Variants in PLAGL1 observed in about 807,000 individuals in gnomAD.
PLAGL1 encodes the protein PLAG1 like zinc finger 1, also known as zinc finger protein PLAGL1.
A neutral mutation model predicts 4.6 loss-of-function variants in PLAGL1; 1 was observed. The observed-to-expected ratio is 0.22, with a 90% CI of 0.08 to 1.03. The LOEUF (loss-of-function observed/expected upper bound fraction) is 1.03. Ranked by LOEUF, PLAGL1 falls within the 50% of genes least tolerant of loss-of-function variation. The pLI is 0.58. For synonymous variants in PLAGL1, 240 were observed against 237.8 expected (o/e 1.01, Z -0.08); for missense variants, 464 against 570.4 (o/e 0.81, Z 1.90).
rs1466939553 is a variant in PLAGL1 at position 144,022,204 on chromosome 6, A to C, written c.-151+42264T>G. On this transcript the variant is annotated intron_variant, in intron 1 of 3. Transcript: ENST00000437412. The surrounding 1 kb of genome is among the most constrained non-coding windows in gnomAD (Gnocchi z 4.2). ...CACTTAAAACTAACCAATAAAAACA[A>C]TCAACCTAATTAAAAGATGGGCAAA... Among the ~76,000 whole-genome samples, 2 of 152,228 alleles carry C rather than the reference A, an allele frequency of 1.3e-5. No individual in the cohort carries two copies. Among genetic ancestry groups the C allele is most frequent in the Non-Finnish European group, 2.9e-5 (2 of 68,042 alleles).
At chr6:144,023,442 T>C (rs1023637387) in intron 1 of PLAGL1, among the ~76,000 whole-genome samples, 2 of 152,044 alleles carry the variant, frequency 1.3e-5, no homozygotes, top group African/African-American at 4.8e-5. Context: ...GTAATACTAA[T>C]GTACGGCATA....
intron 1 of PLAGL1, among the ~76,000 whole-genome samples, chr6:144,031,771 C>T (rs1468552646): frequency 6.6e-6 from 1 of 152,026 alleles, no homozygotes; most frequent in Admixed American, 6.6e-5. Context: ...TACAGTTTGA[C>T]GTTGGGTAAT....
chr6:144,021,512 A>T (rs1388377625), intron 1 of PLAGL1, among the ~76,000 whole-genome samples: 2 of 152,204 alleles, frequency 1.3e-5, no homozygotes, highest in Admixed American at 1.3e-4. Flanking sequence ...CCTGCTTTTT[A>T]ATGATGGAAT....
rs980874310 is a variant in PLAGL1, at chr6:144,050,644, C to T, written c.-151+13824G>A. Among the ~76,000 whole-genome samples, 1 of 152,224 alleles carries T rather than the reference C, an allele frequency of 6.6e-6. No homozygotes were observed. Among genetic ancestry groups the T allele is most frequent in the African/African-American group, 2.4e-5 (1 of 41,458 alleles). Reference sequence around the variant, plus strand: ...GTGGCTCATGTCTATAATCCCAGCACTTTGGGAGGCCAAGGCAGGAGGATC... The same window carrying T: ...GTGGCTCATGTCTATAATCCCAGCATTTTGGGAGGCCAAGGCAGGAGGATC... On this transcript the variant is annotated intron_variant, in intron 1 of 3. Coordinates refer to the PLAGL1 transcript ENST00000437412. The surrounding 1 kb of genome is among the most constrained non-coding windows in gnomAD (Gnocchi z 4.3).
At position 143,955,237 on chromosome 6, in the gene PLAGL1, G is replaced by A. The variant is rs1781868938; in HGVS notation, c.-325+5232C>T. On this transcript the variant is annotated intron_variant, in intron 6 of 7. Transcript: ENST00000674357. The surrounding 1 kb of genome is among the most constrained non-coding windows in gnomAD (Gnocchi z 4.9). ...AAGCTAGCGTAGAAGTTTACAACGT[G>A]TTCAAGAGGGAGGTGGTCTATTTCA... 6.6e-6 allele frequency among the ~76,000 whole-genome samples: 1 copy of A among 152,200 alleles called. No individual in the cohort carries two copies. Among genetic ancestry groups the A allele is most frequent in the African/African-American group, 2.4e-5 (1 of 41,442 alleles).
rs1562387454 is a variant in PLAGL1, at chr6:143,947,026, C to T, written c.152+959G>A. On this transcript the variant is annotated intron_variant, in intron 7 of 7. Transcript: ENST00000674357. This position sits in a 1 kb window ranked among gnomAD's most constrained non-coding sequence, Gnocchi z 4.3. ...AACGATATCTAATGTATTCATTTCC[C>T]TCATGGAAGTAGGTACCTAACAGGC... is the stretch of plus-strand genomic sequence containing the variant. Among the ~76,000 whole-genome samples, 1 of 152,194 alleles carries T rather than the reference C, an allele frequency of 6.6e-6. No homozygotes were observed. The highest frequency in any genetic ancestry group is 1.5e-5 in the Non-Finnish European group (1 of 68,040).
At chr6:144,041,135 T>C (rs1447652089) in intron 1 of PLAGL1, among the ~76,000 whole-genome samples, 5 of 152,098 alleles carry the variant, frequency 3.3e-5, no homozygotes, top group African/African-American at 4.8e-5. Flanking sequence ...GTAATAGGAA[T>C]AGTAAAAGCT....
rs1476470850 is a variant in PLAGL1 at position 144,027,888 on chromosome 6, A to G, written c.-151+36580T>C. Among the ~76,000 whole-genome samples the G allele has an allele frequency of 6.6e-6, 1 of 152,150 alleles. No individual in the cohort carries two copies. The highest frequency in any genetic ancestry group is 1.9e-4 in the East Asian group (1 of 5,190). On this transcript the variant is annotated intron_variant, in intron 1 of 3. Coordinates refer to the PLAGL1 transcript ENST00000437412. The surrounding 1 kb of genome is among the most constrained non-coding windows in gnomAD (Gnocchi z 5.8). ...GAAAGGATTTTGCTGATGCTCCCCA[A>G]TTTTCTCAGAGTGTCTTTCATTTTG...
rs2128602703 is a variant in PLAGL1 at position 143,979,496 on chromosome 6, T to C, written c.-544+5639A>G. ...TCTCCTTTGGCTTATAACTATGTTTTGATATCTTCGTGGTTGCTGTAGAGT... is the reference window on the plus strand; with the variant it reads ...TCTCCTTTGGCTTATAACTATGTTTCGATATCTTCGTGGTTGCTGTAGAGT... On this transcript the variant is annotated intron_variant, in intron 2 of 7. Transcript: ENST00000674357. The surrounding 1 kb of genome is among the most constrained non-coding windows in gnomAD (Gnocchi z 4.6). Among the ~76,000 whole-genome samples, 1 of 152,250 alleles carries C rather than the reference T, an allele frequency of 6.6e-6. No individual in the cohort carries two copies. The highest frequency in any genetic ancestry group is 1.5e-5 in the Non-Finnish European group (1 of 67,954).
chr6:143,984,036 C>A lies in PLAGL1; in HGVS notation c.-544+1099G>T, dbSNP rs971566549. Reference sequence around the variant, plus strand: ...TCCTGAATCTTCAAGGAATAAGGAACAATGATGTATTTTTACTTTCCAGAT... The same window carrying A: ...TCCTGAATCTTCAAGGAATAAGGAAAAATGATGTATTTTTACTTTCCAGAT... On this transcript the variant is annotated intron_variant, in intron 2 of 7. Transcript: ENST00000674357. The surrounding 1 kb of genome is among the most constrained non-coding windows in gnomAD (Gnocchi z 5.5). 6.6e-6 allele frequency among the ~76,000 whole-genome samples: 1 copy of A among 152,018 alleles called. No individual in the cohort carries two copies. Among genetic ancestry groups the A allele is most frequent in the Admixed American group, 6.6e-5 (1 of 15,242 alleles).
chr6:144,011,877 A>C (rs1166664217), upstream of PLAGL1, among the ~76,000 whole-genome samples: 1 of 152,186 alleles, frequency 6.6e-6, no homozygotes, highest in Non-Finnish European at 1.5e-5. The surrounding 1 kb of genome is among the most constrained non-coding windows in gnomAD (Gnocchi z 4.3). Context: ...AGTATCCCAG[A>C]AAGTGGGAAA....
intron 1 of PLAGL1, chr6:144,007,347 G>A (rs1794460027): frequency 6.6e-6 from 1 of 152,198 alleles, no homozygotes; most frequent in Admixed American, 6.5e-5. Context: ...AAAGCACCCG[G>A]GAGGGGCCTC....
In PLAGL1 at chr6:143,968,770, T is replaced by C. The variant is rs1784889392; in HGVS notation, c.-472+137A>G. ...CTCTCACAAAGTCTTTTCTGGGACA[T>C]AAGCCCCTCTACCATGGAGGAGGCG... On this transcript the variant is annotated intron_variant, in intron 3 of 7. Transcript: ENST00000674357. The surrounding 1 kb of genome is among the most constrained non-coding windows in gnomAD (Gnocchi z 6.3). 2.6e-5 allele frequency: 4 copies of C among 152,242 alleles called. No homozygotes were observed. The highest frequency in any genetic ancestry group is 2.6e-4 in the Admixed American group (4 of 15,278). The allele number at this position is 152,242 out of a possible 1,614,324, so 9.4% of individuals were successfully genotyped here.
rs1797035248 is a variant in PLAGL1 at position 144,034,042 on chromosome 6, A to G, written c.-151+30426T>C. 6.6e-6 allele frequency among the ~76,000 whole-genome samples: 1 copy of G among 152,252 alleles called. No individual in the cohort carries two copies. Among genetic ancestry groups the G allele is most frequent in the South Asian group, 2.1e-4 (1 of 4,836 alleles). On this transcript the variant is annotated intron_variant, in intron 1 of 3. Coordinates refer to the PLAGL1 transcript ENST00000437412. The surrounding 1 kb of genome is among the most constrained non-coding windows in gnomAD (Gnocchi z 4.7). Reference sequence around the variant, plus strand: ...CACATGGATGCTTTTACTACACTACAGACATGGTCTCCATGTAGTACATAT... The same window carrying G: ...CACATGGATGCTTTTACTACACTACGGACATGGTCTCCATGTAGTACATAT...
At position 143,985,364 on chromosome 6, in the gene PLAGL1, C is replaced by G. The variant is rs987164587; in HGVS notation, c.-583-190G>C. Among the ~76,000 whole-genome samples the G allele has an allele frequency of 2.6e-5, 4 of 152,148 alleles. No individual in the cohort carries two copies. The highest frequency in any genetic ancestry group is 9.7e-5 in the African/African-American group (4 of 41,424). ...GATATGTTTATATTAATACCATCTA[C>G]TAGTCTATCGCGATTTCCCATTTAA... On this transcript the variant is annotated intron_variant, in intron 1 of 7. Transcript: ENST00000674357. The surrounding 1 kb of genome is among the most constrained non-coding windows in gnomAD (Gnocchi z 4.4).
Position 143,942,072 on chromosome 6 carries a change from G to C in PLAGL1, c.744C>G (p.Ala248=). ...ALPPFPLGAS[A]QNGLASSLPA... The stretch of plus-strand genomic sequence containing the variant: ...GCAAGCTACTTGCAAGCCCGTTCTG[G>C]GCAGAAGCTCCTAAAGGGAAAGGAG... The change falls in exon 8 of 8, where the codon GCC becomes GCG. Residue 248 remains alanine (A), a synonymous_variant. Coordinates refer to ENST00000674357, the MANE Select transcript of PLAGL1 (RefSeq NM_001317162.2). This position sits in a 1 kb window ranked among gnomAD's most constrained non-coding sequence, Gnocchi z 7.6. 1 of 1,613,580 alleles carries C rather than the reference G, an allele frequency of 6.2e-7. No homozygotes were observed. The highest frequency in any genetic ancestry group is 8.5e-7 in the Non-Finnish European group (1 of 1,179,708).
At chr6:144,043,660 A>C (rs1013566089) in intron 1 of PLAGL1, among the ~76,000 whole-genome samples, 11 of 152,014 alleles carry the variant, frequency 7.2e-5, no homozygotes, top group African/African-American at 2.7e-4. Context: ...TGTCTCTGCT[A>C]GGCTTTGGTA....
rs1797068668 is a variant in PLAGL1 at position 144,034,482 on chromosome 6, A to G, written c.-151+29986T>C. ...AGTGTTTGTTTCTCTTCAAGAAAAT[A>G]AAACACTTATTTGTTTCCTTTGTAT... On this transcript the variant is annotated intron_variant, in intron 1 of 3. Transcript: ENST00000437412. The surrounding 1 kb of genome is among the most constrained non-coding windows in gnomAD (Gnocchi z 4.7). Among the ~76,000 whole-genome samples, 1 of 152,234 alleles carries G rather than the reference A, an allele frequency of 6.6e-6. No individual in the cohort carries two copies. Among genetic ancestry groups the G allele is most frequent in the Admixed American group, 6.5e-5 (1 of 15,288 alleles).
intron 1 of PLAGL1, among the ~76,000 whole-genome samples, chr6:144,060,581 A>G (rs1799314192): frequency 6.6e-6 from 1 of 152,236 alleles, no homozygotes; most frequent in Admixed American, 6.5e-5. Context: ...AAAGGTGGTG[A>G]TCTATGGAGA....
Sources: allele counts gnomAD v4.1 joint callset (sites outside exome capture counted in the v4.1 genomes callset), GRCh38; gene constraint gnomAD v4.1.1; non-coding constraint Gnocchi (gnomAD v3.1); transcripts MANE v1.5; gene names NCBI Gene and HGNC (gene_info 2026-07-23, HGNC 2026-07-21).